MSRB3: variants seen among roughly 807,000 people sequenced by gnomAD.
The protein encoded by MSRB3 is methionine-R-sulfoxide reductase B3.
A neutral mutation model predicts 21.0 loss-of-function variants in MSRB3; 13 were observed. The observed-to-expected ratio is 0.62, with a 90% CI of 0.40 to 0.98. MSRB3 has a LOEUF of 0.98. Among genes scored for constraint, MSRB3 ranks in the 50% least tolerant of loss-of-function variants. MSRB3 has a pLI of 0.00. For synonymous variants in MSRB3, 87 were observed against 88.6 expected (o/e 0.98, Z 0.10); for missense variants, 199 against 230.3 (o/e 0.86, Z 0.88).
At chr12:65,305,072 CTT>C (rs772625838) in intron 1 of MSRB3, 44 of 141,208 alleles carry the variant, frequency 3.1e-4, no homozygotes, top group Non-Finnish European at 2.8e-4. Flanking sequence ...TGTTATTTTT[CTT>C]TTTTTTTTTT....
chr12:65,421,045 G>A lies in MSRB3; in HGVS notation c.293-32683G>A, dbSNP rs923443747. ...TAGCTCTTTAAGGCATTGCCACACT[G>A]CTTTCCACAATGGTTAAACTCTTTT... On this transcript the variant is annotated intron_variant, in intron 5 of 6. Coordinates refer to ENST00000308259, the MANE Select transcript of MSRB3 (RefSeq NM_001031679.3). Among the ~76,000 whole-genome samples, 6 of 152,292 alleles carry A rather than the reference G, an allele frequency of 3.9e-5. No individual in the cohort carries two copies. In the East Asian group the frequency reaches 1.2e-3, roughly 29 times the overall value.
intron 4 of MSRB3, among the ~76,000 whole-genome samples, chr12:65,365,270 C>T (rs1385050501): frequency 6.6e-6 from 1 of 152,158 alleles, no homozygotes; most frequent in Admixed American, 6.5e-5. Flanking sequence ...GTGTGCACCT[C>T]ACTCAGCTTC....
rs180855241 is a variant in MSRB3 at position 65,447,058 on chromosome 12, A to T, written c.293-6670A>T. On this transcript the variant is annotated intron_variant, in intron 5 of 6. Transcript: ENST00000308259. Reference sequence around the variant, plus strand: ...AATTGGGGTTGCTATTGAGGTGTTGATATTCCAGAGTAAACCATTCCCCAT... The same window carrying T: ...AATTGGGGTTGCTATTGAGGTGTTGTTATTCCAGAGTAAACCATTCCCCAT... Among the ~76,000 whole-genome samples, 674 of 152,338 alleles carry T rather than the reference A, an allele frequency of 4.4e-3. 3 individuals carry two copies. Among genetic ancestry groups the T allele is most frequent in the African/African-American group, 0.015 (627 of 41,580 alleles).
chr12:65,434,352 A>G (rs989402522), intron 5 of MSRB3, among the ~76,000 whole-genome samples: 3 of 151,906 alleles, frequency 2.0e-5, no homozygotes, highest in African/African-American at 4.8e-5. Flanking sequence ...GTTCTAGAAT[A>G]TCCTTTAGAT....
chr12:65,444,386 TGTA>T (rs1882520470), intron 5 of MSRB3, among the ~76,000 whole-genome samples: 1 of 152,204 alleles, frequency 6.6e-6, no homozygotes, highest in Admixed American at 6.5e-5. Context: ...AAAAGATTCT[TGTA>T]GTCTTTCTTC....
At chr12:65,383,090 A>AT (rs1390941177) in intron 5 of MSRB3, among the ~76,000 whole-genome samples, 11 of 152,170 alleles carry the variant, frequency 7.2e-5, no homozygotes, top group Non-Finnish European at 1.3e-4. Context: ...GTACATTATG[A>AT]TTTTTTATTA....
chr12:65,431,851 G>A (rs1041241614), intron 5 of MSRB3, among the ~76,000 whole-genome samples: 4 of 152,092 alleles, frequency 2.6e-5, no homozygotes, highest in Admixed American at 6.6e-5. Context: ...AGCTGAGTAT[G>A]CACAGAAGAG....
intron 5 of MSRB3, among the ~76,000 whole-genome samples, chr12:65,434,083 A>G (rs976085594): frequency 6.6e-6 from 1 of 151,908 alleles, no homozygotes; most frequent in African/African-American, 2.4e-5. Context: ...AGGGCTCCTC[A>G]TTTAGTGTAT....
intron 6 of MSRB3, among the ~76,000 whole-genome samples, chr12:65,457,841 AT>A (rs897372035): frequency 1.3e-5 from 2 of 151,752 alleles, no homozygotes; most frequent in Non-Finnish European, 2.9e-5. Context: ...AGCTTCTCCC[AT>A]TTTTTAAGAG....
intron 5 of MSRB3, among the ~76,000 whole-genome samples, chr12:65,398,821 A>G (rs906816836): frequency 1.3e-5 from 2 of 152,196 alleles, no homozygotes; most frequent in South Asian, 2.1e-4. Context: ...AGTTTTCTCC[A>G]TATGGCTACC....
intron 1 of MSRB3, among the ~76,000 whole-genome samples, chr12:65,295,129 C>T (rs1056220443): frequency 2.0e-5 from 3 of 152,200 alleles, no homozygotes; most frequent in South Asian, 2.1e-4. Flanking sequence ...TGTGCCTGAC[C>T]TTCCATGTTT....
chr12:65,379,097 T>C (rs557830049), intron 5 of MSRB3, among the ~76,000 whole-genome samples: 1 of 152,332 alleles, frequency 6.6e-6, no homozygotes, highest in African/African-American at 2.4e-5. Flanking sequence ...TATCTCCAAA[T>C]AGGGATGGTC....
At chr12:65,354,242 C>T (rs562274319) in intron 4 of MSRB3, among the ~76,000 whole-genome samples, 2 of 151,966 alleles carry the variant, frequency 1.3e-5, no homozygotes, top group East Asian at 3.9e-4. Context: ...TTGTGGCATT[C>T]TCTGTATTTC....
chr12:65,457,763 A>C (rs575242901), intron 6 of MSRB3, among the ~76,000 whole-genome samples: 1 of 151,582 alleles, frequency 6.6e-6, no homozygotes, highest in South Asian at 2.1e-4. Context: ...AAAAAAAAAA[A>C]CAAACCCATC....
Position 65,342,081 on chromosome 12 carries a change from T to TGG in MSRB3, c.263+13481_263+13482dup, listed in dbSNP as rs1451802952. The stretch of plus-strand genomic sequence containing the variant: ...ATAGAAGTGGGAACTTGTATAACAC[T>TGG]GGGGTGATGTAGGCCTTTCTAAACA... On this transcript the variant is annotated intron_variant, in intron 4 of 6. Coordinates refer to ENST00000308259, the MANE Select transcript of MSRB3 (RefSeq NM_001031679.3). Among the ~76,000 whole-genome samples, 10 of 151,906 alleles carry TGG rather than the reference T, an allele frequency of 6.6e-5. No homozygotes were observed. In the South Asian group the frequency reaches 8.3e-4, roughly 13 times the overall value.
At chr12:65,371,176 T>C (rs1878296246) in intron 5 of MSRB3, among the ~76,000 whole-genome samples, 1 of 151,290 alleles carries the variant, frequency 6.6e-6, no homozygotes, top group Non-Finnish European at 1.5e-5. Context: ...AAATACAAAA[T>C]AATTAGCTGG....
At chr12:65,310,045 T>C (rs1361747448) in intron 2 of MSRB3, among the ~76,000 whole-genome samples, 3 of 152,174 alleles carry the variant, frequency 2.0e-5, no homozygotes, top group Admixed American at 2.0e-4. Flanking sequence ...TTCAGATGTT[T>C]CTGTGAGAGA....
intron 4 of MSRB3, 73 bp from the exon 5 acceptor site, chr12:65,368,923 ACC>A (rs57910895): frequency 0.17 from 35,714 of 206,072 alleles, 2,100 homozygotes; most frequent in African/African-American, 0.35. Flanking sequence ...TCCCAACCAC[ACC>A]CCCCCCCCCC....
intron 4 of MSRB3, among the ~76,000 whole-genome samples, chr12:65,341,774 C>A (rs1436139249): frequency 1.3e-5 from 2 of 151,892 alleles, no homozygotes; most frequent in African/African-American, 4.8e-5. Context: ...ATATGTTGAA[C>A]AAGTAACATG....
Sources: allele counts gnomAD v4.1 joint callset (sites outside exome capture counted in the v4.1 genomes callset), GRCh38; gene constraint gnomAD v4.1.1; transcripts MANE v1.5; gene names NCBI Gene and HGNC (gene_info 2026-07-23, HGNC 2026-07-21).